Variants in MNAT1 observed in about 807,000 individuals in gnomAD.
MNAT1 encodes the protein MNAT1 component of CDK activating kinase.
In MNAT1, 43 loss-of-function variants were observed where a neutral mutation model predicts 42.0. The observed-to-expected ratio is 1.02, with a 90% CI of 0.80 to 1.32. The LOEUF (loss-of-function observed/expected upper bound fraction) is 1.32, where lower values mean the gene tolerates loss of function less well. Ranked by LOEUF, MNAT1 falls within the 40% of genes most tolerant of loss-of-function variation. The probability of loss-of-function intolerance (pLI) is 0.00; values close to 1 mark genes in which losing one functional copy is unlikely to be tolerated. For missense variants in MNAT1, 306 were observed against 350.4 expected (o/e 0.87, Z 1.01); for synonymous variants, 118 against 120.0 (o/e 0.98, Z 0.11).
At chr14:60,805,305 A>G (rs1347740308) in intron 3 of MNAT1, among the ~76,000 whole-genome samples, 2 of 152,122 alleles carry the variant, frequency 1.3e-5, no homozygotes, top group East Asian at 3.9e-4. Flanking sequence ...GAATTCCTAT[A>G]TATCTCTTCC....
At chr14:60,879,297 G>A (rs970235263) in intron 6 of MNAT1, among the ~76,000 whole-genome samples, 1 of 152,000 alleles carries the variant, frequency 6.6e-6, no homozygotes, top group Non-Finnish European at 1.5e-5. Flanking sequence ...ATGCTTCTTT[G>A]TGCTTCCAAC....
chr14:60,846,943 TCTGA>T (rs1425452991), intron 6 of MNAT1, among the ~76,000 whole-genome samples: 1 of 152,220 alleles, frequency 6.6e-6, no homozygotes, highest in African/African-American at 2.4e-5. Context: ...TTTTGAAATC[TCTGA>T]CTATTATTGT....
intron 6 of MNAT1, among the ~76,000 whole-genome samples, chr14:60,856,972 C>T (rs1467212643): frequency 1.3e-5 from 2 of 152,148 alleles, no homozygotes; most frequent in Non-Finnish European, 2.9e-5. Context: ...AGCCACTGTG[C>T]CCGGCCTCAT....
intron 1 of MNAT1, among the ~76,000 whole-genome samples, chr14:60,742,700 CTA>C (rs1896509818): frequency 6.6e-6 from 1 of 152,190 alleles, no homozygotes. Context: ...TACTTTCTGA[CTA>C]TGTAGATTTT....
At chr14:60,767,388 C>G (rs929844328) in intron 1 of MNAT1, among the ~76,000 whole-genome samples, 4 of 152,120 alleles carry the variant, frequency 2.6e-5, no homozygotes, top group Admixed American at 2.6e-4. Context: ...TACAGTTTGT[C>G]CATCTGGGAT....
rs186974979 is a variant in MNAT1 at position 60,833,691 on chromosome 14, A to G, written c.687+14844A>G. On this transcript the variant is annotated intron_variant, in intron 6 of 7. Coordinates refer to ENST00000261245, the MANE Select transcript of MNAT1 (RefSeq NM_002431.4). ...TTGGTGTCAGGATACTGGCCTCATA[A>G]AATGGGTTAGGGAGGAGTGCCTTAT... Among the ~76,000 whole-genome samples the G allele has an allele frequency of 4.5e-3, 690 of 152,292 alleles. 2 individuals carry two copies. Among genetic ancestry groups the G allele is most frequent in the South Asian group, 0.015 (70 of 4,820 alleles).
intron 7 of MNAT1, among the ~76,000 whole-genome samples, chr14:60,907,435 CAAA>C (rs35266802): frequency 2.9e-4 from 19 of 65,068 alleles, no homozygotes; most frequent in Admixed American, 9.7e-4. Context: ...TCTGTCTCAC[CAAA>C]AAAAAAAAAA....
intron 7 of MNAT1, among the ~76,000 whole-genome samples, chr14:60,911,899 C>T (rs2035375961): frequency 6.6e-6 from 1 of 152,016 alleles, no homozygotes; most frequent in Non-Finnish European, 1.5e-5. Flanking sequence ...TCTCGTTGAT[C>T]TGTCTAATGT....
At chr14:60,887,169 A>AT (rs542891464) in intron 7 of MNAT1, among the ~76,000 whole-genome samples, 31 of 148,680 alleles carry the variant, frequency 2.1e-4, no homozygotes, top group Non-Finnish European at 3.4e-4. Flanking sequence ...ATTGATTTGC[A>AT]TTTTTTTTGT....
intron 7 of MNAT1, among the ~76,000 whole-genome samples, chr14:60,929,731 T>C (rs1282776146): frequency 6.6e-6 from 1 of 152,162 alleles, no homozygotes; most frequent in African/African-American, 2.4e-5. Flanking sequence ...TAGTGAGCAT[T>C]AGACAGAAGT....
intron 7 of MNAT1, among the ~76,000 whole-genome samples, chr14:60,908,849 G>T (rs1267002461): frequency 2.6e-5 from 4 of 152,140 alleles, no homozygotes; most frequent in Admixed American, 1.3e-4. Flanking sequence ...GTAATGGGAT[G>T]GCTGGGTCAA....
At chr14:60,893,893 G>A (rs1371219535) in intron 7 of MNAT1, among the ~76,000 whole-genome samples, 1 of 152,086 alleles carries the variant, frequency 6.6e-6, no homozygotes, top group Non-Finnish European at 1.5e-5. Flanking sequence ...CTTTTCCAAC[G>A]TTAGTCATAG....
At chr14:60,858,597 T>C (rs1397275262) in intron 6 of MNAT1, among the ~76,000 whole-genome samples, 3 of 152,170 alleles carry the variant, frequency 2.0e-5, no homozygotes, top group Non-Finnish European at 4.4e-5. Context: ...CGTTAAATGC[T>C]TTCAAACAGC....
At chr14:60,803,409 A>G (rs1486101826) in intron 3 of MNAT1, among the ~76,000 whole-genome samples, 3 of 152,162 alleles carry the variant, frequency 2.0e-5, no homozygotes, top group Non-Finnish European at 4.4e-5. Context: ...ACATTATCTC[A>G]TAATTTTTGA....
At chr14:60,872,670 C>A (rs2034351231) in intron 6 of MNAT1, among the ~76,000 whole-genome samples, 1 of 40,068 alleles carries the variant, frequency 2.5e-5, no homozygotes, top group Non-Finnish European at 1.5e-4. Context: ...AAATACATAG[C>A]CATTTTTTTT....
At chr14:60,838,045 C>T (rs1348205982) in intron 6 of MNAT1, among the ~76,000 whole-genome samples, 1 of 151,964 alleles carries the variant, frequency 6.6e-6, no homozygotes, top group African/African-American at 2.4e-5. Context: ...TGACCTCTCA[C>T]TTTTTTTTCC....
At chr14:60,888,634 A>G (rs1011403729) in intron 7 of MNAT1, among the ~76,000 whole-genome samples, 3 of 150,586 alleles carry the variant, frequency 2.0e-5, no homozygotes, top group East Asian at 2.0e-4. Context: ...AGGGCATTCA[A>G]TTAGGAAAAG....
At position 60,839,216 on chromosome 14, in the gene MNAT1, G is replaced by T. The variant is rs1488688071; in HGVS notation, c.687+20369G>T. On this transcript the variant is annotated intron_variant, in intron 6 of 7. Transcript: ENST00000261245. Reference sequence around the variant, plus strand: ...TGAGAACTTACTGTGCTCTTTATGAGCCTGCCCGTGGCCACCCATGGACCA... The same window carrying T: ...TGAGAACTTACTGTGCTCTTTATGATCCTGCCCGTGGCCACCCATGGACCA... 2.0e-5 allele frequency among the ~76,000 whole-genome samples: 3 copies of T among 152,146 alleles called. No individual in the cohort carries two copies. In the East Asian group the frequency reaches 5.8e-4, roughly 29 times the overall value.
intron 7 of MNAT1, among the ~76,000 whole-genome samples, chr14:60,957,899 A>T (rs1446748731): frequency 6.6e-6 from 1 of 151,844 alleles, no homozygotes; most frequent in Non-Finnish European, 1.5e-5. Context: ...GTGCAGTGGC[A>T]CGATCTCAGC....
Sources: allele counts gnomAD v4.1 joint callset (sites outside exome capture counted in the v4.1 genomes callset), GRCh38; gene constraint gnomAD v4.1.1; transcripts MANE v1.5; gene names NCBI Gene and HGNC (gene_info 2026-07-23, HGNC 2026-07-21).